Variants in ZHX2 observed in about 807,000 individuals in gnomAD.
ZHX2 encodes zinc fingers and homeoboxes 2, also known as zinc fingers and homeoboxes protein 2.
Under a neutral mutation model 21.9 loss-of-function variants are expected in ZHX2, and 6 were observed. That is an observed-to-expected ratio of 0.27 (90% CI 0.15 to 0.54). ZHX2 has a LOEUF of 0.54. ZHX2 is among the 20% of genes least tolerant of loss of function. The pLI is 0.95. For missense variants in ZHX2, 908 were observed against 1,090.7 expected, an observed-to-expected ratio of 0.83 and a Z score of 2.36; for synonymous variants, 434 against 437.1, an observed-to-expected ratio of 0.99 and a Z score of 0.09.
chr8:122,790,395 T>G (rs1016570264), intron 1 of ZHX2, among the ~76,000 whole-genome samples: 1 of 152,158 alleles, frequency 6.6e-6, no homozygotes, highest in Non-Finnish European at 1.5e-5. Context: ...CCCGCTTTGA[T>G]TCCTCTTTCC....
chr8:122,917,546 T>C (rs899060944), intron 2 of ZHX2, among the ~76,000 whole-genome samples: 1 of 152,190 alleles, frequency 6.6e-6, no homozygotes, highest in Non-Finnish European at 1.5e-5. Context: ...TGTCCAATTA[T>C]ACTTGTCCCA....
At chr8:122,838,730 A>G (rs1277359016) in intron 1 of ZHX2, among the ~76,000 whole-genome samples, 1 of 151,910 alleles carries the variant, frequency 6.6e-6, no homozygotes, top group Admixed American at 6.6e-5. Flanking sequence ...AGCACGTGCC[A>G]CTACACCCAG....
chr8:122,909,052 CA>C (rs1368923527), intron 2 of ZHX2, among the ~76,000 whole-genome samples: 1 of 152,180 alleles, frequency 6.6e-6, no homozygotes, highest in African/African-American at 2.4e-5. Flanking sequence ...GGCACTGAGA[CA>C]ATGGAGGTTA....
chr8:122,810,548 GCCCTGAGGTGTCACGT>G (rs1170204314), intron 1 of ZHX2: 2 of 152,232 alleles, frequency 1.3e-5, no homozygotes, highest in Non-Finnish European at 2.9e-5. Context: ...AGGAAACGCG[GCCCTGAGGTGTCACGT>G]CCTGCGTGGG....
chr8:122,841,839 G>A (rs1289423509), intron 1 of ZHX2, among the ~76,000 whole-genome samples: 4 of 152,272 alleles, frequency 2.6e-5, no homozygotes, highest in Admixed American at 1.3e-4. Flanking sequence ...TTACAGATGA[G>A]GAAACTGAAG....
chr8:122,921,326 C>T (rs1215037911), intron 2 of ZHX2, among the ~76,000 whole-genome samples: 1 of 152,122 alleles, frequency 6.6e-6, no homozygotes, highest in East Asian at 1.9e-4. Flanking sequence ...TCAGGTGACC[C>T]ACCCACCTCG....
chr8:122,800,037 A>G (rs1021196784), intron 1 of ZHX2, among the ~76,000 whole-genome samples: 1 of 152,070 alleles, frequency 6.6e-6, no homozygotes, highest in Non-Finnish European at 1.5e-5. Flanking sequence ...TTGTATTTTT[A>G]GTAGAGACTG....
At chr8:122,798,571 T>C (rs1286625556) in intron 1 of ZHX2, among the ~76,000 whole-genome samples, 1 of 152,058 alleles carries the variant, frequency 6.6e-6, no homozygotes, top group African/African-American at 2.4e-5. Flanking sequence ...GGCCGACAGA[T>C]CACTGGAGGT....
intron 3 of ZHX2, among the ~76,000 whole-genome samples, chr8:122,954,825 C>T (rs967699897): frequency 3.3e-5 from 5 of 151,810 alleles, no homozygotes; most frequent in African/African-American, 1.2e-4. Flanking sequence ...GTAAAAACAC[C>T]AAACATGAAG....
chr8:122,846,918 G>A (rs1489049933), intron 1 of ZHX2, among the ~76,000 whole-genome samples: 2 of 152,158 alleles, frequency 1.3e-5, no homozygotes, highest in African/African-American at 4.8e-5. Flanking sequence ...GCCAAGGAAC[G>A]TAGCAGCCAC....
intron 2 of ZHX2, among the ~76,000 whole-genome samples, chr8:122,912,939 A>G (rs370942559): frequency 5.9e-5 from 9 of 152,204 alleles, no homozygotes; most frequent in African/African-American, 1.9e-4. Flanking sequence ...GTGGTTTTTA[A>G]TATATTCAGA....
intron 2 of ZHX2, among the ~76,000 whole-genome samples, chr8:122,870,078 T>C (rs532283495): frequency 1.1e-4 from 17 of 152,248 alleles, no homozygotes; most frequent in Admixed American, 2.6e-4. Flanking sequence ...AATTAGACCC[T>C]GAAGGAGGGG....
intron 1 of ZHX2, among the ~76,000 whole-genome samples, chr8:122,793,119 A>G (rs568199367): frequency 6.6e-6 from 1 of 152,174 alleles, no homozygotes; most frequent in East Asian, 1.9e-4. Context: ...ATTACAGGGG[A>G]TCATACCTGT....
chr8:122,970,792 A>G (rs1813701041), intron 3 of ZHX2, among the ~76,000 whole-genome samples: 1 of 152,216 alleles, frequency 6.6e-6, no homozygotes, highest in South Asian at 2.1e-4. Flanking sequence ...GCCGTGGGCT[A>G]CTGTGCCAAC....
chr8:122,872,752 G>A (rs375540202), intron 2 of ZHX2, among the ~76,000 whole-genome samples: 11 of 152,196 alleles, frequency 7.2e-5, no homozygotes, highest in East Asian at 1.9e-4. Flanking sequence ...ACAAAAAGGC[G>A]GTTCGTTCGT....
chr8:122,900,899 CA>C (rs1820213511), intron 2 of ZHX2, among the ~76,000 whole-genome samples: 1 of 152,188 alleles, frequency 6.6e-6, no homozygotes, highest in Non-Finnish European at 1.5e-5. Context: ...ACTCTCCTGG[CA>C]CACTGCAGTT....
intron 2 of ZHX2, among the ~76,000 whole-genome samples, chr8:122,947,280 C>A (rs1044480262): frequency 7.0e-6 from 1 of 142,824 alleles, no homozygotes; most frequent in Non-Finnish European, 1.6e-5. Flanking sequence ...AAAAAAAAAA[C>A]CTTTCTGCCT....
intron 1 of ZHX2, among the ~76,000 whole-genome samples, chr8:122,854,544 G>A (rs944631498): frequency 2.0e-5 from 3 of 151,886 alleles, no homozygotes; most frequent in African/African-American, 2.4e-5. Context: ...GTCCCTCGAC[G>A]CCTCTTTCCC....
intron 2 of ZHX2, among the ~76,000 whole-genome samples, chr8:122,939,112 A>G (rs1413979252): frequency 2.0e-5 from 3 of 152,212 alleles, no homozygotes; most frequent in Admixed American, 6.5e-5. Context: ...GTGAGCTCCA[A>G]GCTCATCAAG....
Sources: gnomAD v4.1 joint callset for allele counts (sites outside exome capture counted in the v4.1 genomes callset) on GRCh38, gnomAD v4.1.1 for gene constraint, MANE v1.5 for transcripts, NCBI Gene and HGNC (gene_info 2026-07-23, HGNC 2026-07-21) for gene names.